Variants in CACNA2D1 observed in about 807,000 individuals in gnomAD.
CACNA2D1 encodes the protein calcium voltage-gated channel auxiliary subunit alpha2delta 1, also known as voltage-dependent calcium channel subunit alpha-2/delta-1.
A neutral mutation model predicts 171.5 loss-of-function variants in CACNA2D1; 53 were observed. That is an observed-to-expected ratio of 0.31 (90% CI 0.25 to 0.39). The LOEUF (loss-of-function observed/expected upper bound fraction) is 0.39. Ranked by LOEUF, CACNA2D1 falls within the 10% of genes least tolerant of loss-of-function variation. The pLI, the probability that CACNA2D1 is intolerant of heterozygous loss-of-function variation, is 1.00. For missense variants in CACNA2D1, 903 were observed against 1,299.8 expected (o/e 0.69, Z 4.69); for synonymous variants, 442 against 443.1 (o/e 1.00, Z 0.03).
chr7:82,125,939 C>T (rs547179938), intron 5 of CACNA2D1, among the ~76,000 whole-genome samples: 12 of 152,154 alleles, frequency 7.9e-5, no homozygotes, highest in East Asian at 3.9e-4. Context: ...TACACAAACA[C>T]GCTCCATTTG....
intron 12 of CACNA2D1, among the ~76,000 whole-genome samples, chr7:82,031,896 C>T (rs1802744242): frequency 6.6e-6 from 1 of 151,964 alleles, no homozygotes. Context: ...GCATTTTACC[C>T]TGCAGAGTCT....
chr7:82,330,744 G>A (rs1347386916), intron 3 of CACNA2D1, among the ~76,000 whole-genome samples: 2 of 152,072 alleles, frequency 1.3e-5, no homozygotes, highest in Non-Finnish European at 2.9e-5. Flanking sequence ...ATTCAGCATG[G>A]ATGAATAGAA....
At chr7:82,266,045 T>C (rs551593601) in intron 3 of CACNA2D1, among the ~76,000 whole-genome samples, 4 of 152,332 alleles carry the variant, frequency 2.6e-5, no homozygotes, top group African/African-American at 7.2e-5. Flanking sequence ...TTTGTGTATA[T>C]GCATCTTTAT....
intron 9 of CACNA2D1, 33 bp downstream of exon 9, chr7:82,064,271 C>T (rs761183464): frequency 2.1e-6 from 3 of 1,409,670 alleles, no homozygotes; most frequent in East Asian, 4.6e-5. Context: ...CCCATATTCT[C>T]AATATATAAA....
chr7:82,075,593 A>G (rs1269774694), intron 7 of CACNA2D1, among the ~76,000 whole-genome samples: 1 of 152,216 alleles, frequency 6.6e-6, no homozygotes, highest in East Asian at 1.9e-4. Context: ...CAATTAGATG[A>G]CAATAATGAC....
At chr7:82,217,390 C>CATAAATATATATATATATATATAT (rs1199331212) in intron 3 of CACNA2D1, among the ~76,000 whole-genome samples, 1 of 54,452 alleles carries the variant, frequency 1.8e-5, no homozygotes, top group African/African-American at 1.3e-4. Flanking sequence ...CACACACACA[C>CATAAATATATATATATATATATAT]ATACATATAT....
chr7:82,243,188 C>T (rs1804522825), intron 3 of CACNA2D1, among the ~76,000 whole-genome samples: 1 of 152,098 alleles, frequency 6.6e-6, no homozygotes, highest in African/African-American at 2.4e-5. Flanking sequence ...TAAAGCTAAA[C>T]TCTTCTTTAA....
chr7:82,049,389 T>A (rs1429984522), intron 10 of CACNA2D1, among the ~76,000 whole-genome samples: 1 of 152,140 alleles, frequency 6.6e-6, no homozygotes, highest in Non-Finnish European at 1.5e-5. Flanking sequence ...GAAACAAATG[T>A]CTACAAAATA....
chr7:82,429,045 C>A lies in CACNA2D1; in HGVS notation c.95+14320G>T, dbSNP rs190776022. 9.7e-4 allele frequency among the ~76,000 whole-genome samples: 148 copies of A among 152,310 alleles called. 1 individual carries two copies. Among genetic ancestry groups the A allele is most frequent in the African/African-American group, 3.4e-3 (141 of 41,574 alleles). The stretch of plus-strand genomic sequence containing the variant: ...CGACTGGACAAAAAAGTAAAATAAT[C>A]AGCAGTTATATATCACATCCACTTT... On this transcript the variant is annotated intron_variant, in intron 1 of 38. Coordinates refer to ENST00000356860, the MANE Select transcript of CACNA2D1 (RefSeq NM_000722.4).
intron 3 of CACNA2D1, among the ~76,000 whole-genome samples, chr7:82,323,502 G>A (rs777023313): frequency 1.3e-5 from 2 of 152,148 alleles, no homozygotes; most frequent in Non-Finnish European, 2.9e-5. Flanking sequence ...TGTGAGACCT[G>A]TGCAGTCAGA....
At chr7:82,178,910 A>T in intron 3 of CACNA2D1, among the ~76,000 whole-genome samples, 1 of 152,112 alleles carries the variant, frequency 6.6e-6, no homozygotes, top group East Asian at 1.9e-4. Context: ...CAGTGTAGGC[A>T]TTCAGTAAGT....
chr7:82,122,584 A>G (rs1789864295), intron 5 of CACNA2D1, among the ~76,000 whole-genome samples: 1 of 152,204 alleles, frequency 6.6e-6, no homozygotes, highest in Admixed American at 6.5e-5. Flanking sequence ...TCAAATATCC[A>G]GCATCAGAAA....
chr7:82,179,849 A>C (rs1437525524), intron 3 of CACNA2D1, among the ~76,000 whole-genome samples: 2 of 152,084 alleles, frequency 1.3e-5, no homozygotes, highest in Non-Finnish European at 2.9e-5. Context: ...ACTAAGGGGG[A>C]GAAGTTAGAC....
intron 10 of CACNA2D1, among the ~76,000 whole-genome samples, chr7:82,054,001 C>A (rs1805518109): frequency 6.6e-6 from 1 of 152,150 alleles, no homozygotes; most frequent in African/African-American, 2.4e-5. Context: ...AGATATCCTG[C>A]AGTTGTGTTT....
At chr7:82,271,465 T>C (rs1808626661) in intron 3 of CACNA2D1, among the ~76,000 whole-genome samples, 1 of 152,172 alleles carries the variant, frequency 6.6e-6, no homozygotes, top group Non-Finnish European at 1.5e-5. Context: ...ATTCATTTTC[T>C]ACCATCCACA....
At chr7:81,955,789 A>G (rs532300132) in intron 38 of CACNA2D1, among the ~76,000 whole-genome samples, 1 of 151,174 alleles carries the variant, frequency 6.6e-6, no homozygotes, top group South Asian at 2.1e-4. Flanking sequence ...TTTATAAAGC[A>G]TATTATCTGG....
At chr7:82,218,578 T>A (rs1801428316) in intron 3 of CACNA2D1, among the ~76,000 whole-genome samples, 1 of 152,210 alleles carries the variant, frequency 6.6e-6, no homozygotes, top group Non-Finnish European at 1.5e-5. Flanking sequence ...TAGATTTTTT[T>A]AAAGTTATAA....
At chr7:82,087,720 A>G (rs1436389751) in intron 6 of CACNA2D1, among the ~76,000 whole-genome samples, 1 of 152,112 alleles carries the variant, frequency 6.6e-6, no homozygotes, top group Non-Finnish European at 1.5e-5. Context: ...GTACCTTGAA[A>G]AGACCAGACT....
chr7:82,016,606 GCCCGCCCC>G lies in CACNA2D1; in HGVS notation c.1144-2135_1144-2128del, dbSNP rs1435502421. On this transcript the variant is annotated intron_variant, in intron 12 of 38. Transcript: ENST00000356860. ...CAAATAGTCCAAATAAACACTAGCC[GCCCGCCCC>G]CCCCCCCCAAAAAAAAAGCTTGTTG... Among the ~76,000 whole-genome samples, 311 of 89,174 alleles carry G rather than the reference GCCCGCCCC, an allele frequency of 3.5e-3. 11 individuals are homozygous for G. The highest frequency in any genetic ancestry group is 1.0e-2 in the African/African-American group (299 of 30,036). The allele number at this position is 89,174 out of a possible 152,430, so 58.5% of individuals were successfully genotyped here.
Sources: gnomAD v4.1 joint callset for allele counts (sites outside exome capture counted in the v4.1 genomes callset) on GRCh38, gnomAD v4.1.1 for gene constraint, MANE v1.5 for transcripts, NCBI Gene and HGNC (gene_info 2026-07-23, HGNC 2026-07-21) for gene names.